The following MACROD2 variants were observed in gnomAD, a reference collection of about 807,000 sequenced individuals.
MACROD2 encodes the protein ADP-ribose glycohydrolase MACROD2.
MACROD2 carries 36 observed loss-of-function variants against 70.4 expected under a neutral mutation model. The observed-to-expected ratio is 0.51, with a 90% CI of 0.39 to 0.68. MACROD2 has a LOEUF of 0.68. MACROD2 is among the 30% of genes least tolerant of loss of function. The pLI is 0.00. For synonymous variants in MACROD2, 172 were observed against 178.8 expected (o/e 0.96, Z 0.30); for missense variants, 496 against 538.4 (o/e 0.92, Z 0.78).
At chr20:14,237,428 A>T (rs1323574841) in intron 3 of MACROD2, among the ~76,000 whole-genome samples, 1 of 151,688 alleles carries the variant, frequency 6.6e-6, no homozygotes, top group African/African-American at 2.4e-5. Flanking sequence ...CTTATACCTC[A>T]AATCAATTTC....
chr20:15,654,175 T>C (rs1187902972), intron 8 of MACROD2, among the ~76,000 whole-genome samples: 31 of 152,162 alleles, frequency 2.0e-4, no homozygotes, highest in African/African-American at 2.4e-5. Flanking sequence ...GCACATACCA[T>C]GCAGAAGTTC....
chr20:14,578,314 AGGTAC>A (rs1049778389), intron 4 of MACROD2, among the ~76,000 whole-genome samples: 4 of 152,228 alleles, frequency 2.6e-5, no homozygotes, highest in Admixed American at 2.6e-4. Flanking sequence ...TACAGTAGTC[AGGTAC>A]AAGGAAGTTT....
At chr20:14,008,121 G>A (rs191454521) in intron 2 of MACROD2, among the ~76,000 whole-genome samples, 1 of 152,244 alleles carries the variant, frequency 6.6e-6, no homozygotes, top group Non-Finnish European at 1.5e-5. Flanking sequence ...GTTCTGGGCA[G>A]GGTAATCAGG....
intron 3 of MACROD2, among the ~76,000 whole-genome samples, chr20:14,419,680 T>C (rs1278905135): frequency 6.6e-6 from 1 of 152,168 alleles, no homozygotes; most frequent in African/African-American, 2.4e-5. Context: ...TTTGGAAAAA[T>C]AGAACAATTT....
intron 8 of MACROD2, among the ~76,000 whole-genome samples, chr20:15,811,771 T>C (rs1029312564): frequency 4.6e-5 from 7 of 152,188 alleles, no homozygotes; most frequent in African/African-American, 1.7e-4. Context: ...AGATGGTATC[T>C]AATCCAGATT....
intron 5 of MACROD2, among the ~76,000 whole-genome samples, chr20:15,194,801 T>C (rs1236919719): frequency 6.6e-6 from 1 of 152,216 alleles, no homozygotes; most frequent in Admixed American, 6.5e-5. Context: ...ACTTTTCTAG[T>C]CCAGGATCCA....
At chr20:16,017,690 A>G (rs2066947586) in intron 15 of MACROD2, among the ~76,000 whole-genome samples, 1 of 152,216 alleles carries the variant, frequency 6.6e-6, no homozygotes, top group African/African-American at 2.4e-5. Flanking sequence ...CTGTTTCTGC[A>G]TCTTCACATA....
intron 3 of MACROD2, among the ~76,000 whole-genome samples, chr20:14,147,308 T>C (rs1349992493): frequency 6.6e-6 from 1 of 152,236 alleles, no homozygotes; most frequent in Admixed American, 6.5e-5. Flanking sequence ...CCATGTTCTT[T>C]CCTTGCCATT....
intron 3 of MACROD2, among the ~76,000 whole-genome samples, chr20:14,430,558 A>G (rs1370001079): frequency 6.8e-6 from 1 of 146,354 alleles, no homozygotes; most frequent in Non-Finnish European, 1.6e-5. Context: ...TGTTCAAAAC[A>G]GAAAACACAG....
intron 5 of MACROD2, among the ~76,000 whole-genome samples, chr20:14,797,843 T>A (rs900579318): frequency 3.3e-5 from 5 of 151,888 alleles, no homozygotes; most frequent in African/African-American, 1.2e-4. Flanking sequence ...AGCGTAAGAG[T>A]GTTCACTAAG....
intron 8 of MACROD2, among the ~76,000 whole-genome samples, chr20:15,635,585 G>A (rs74179777): frequency 6.6e-6 from 1 of 152,070 alleles, no homozygotes; most frequent in African/African-American, 2.4e-5. Flanking sequence ...GAGGCTACTA[G>A]AGGGTGGGTG....
At chr20:15,935,420 C>G (rs78755841) in intron 11 of MACROD2, among the ~76,000 whole-genome samples, 1 of 152,310 alleles carries the variant, frequency 6.6e-6, no homozygotes, top group East Asian at 1.9e-4. Flanking sequence ...ATTTCTTATC[C>G]TCCCTAATCA....
intron 5 of MACROD2, among the ~76,000 whole-genome samples, chr20:14,713,605 C>G (rs1342563586): frequency 6.6e-6 from 1 of 152,146 alleles, no homozygotes; most frequent in Admixed American, 6.5e-5. Flanking sequence ...TATCTCAGAG[C>G]AAATTTTAAA....
chr20:15,535,510 G>A (rs1325414941), intron 8 of MACROD2, among the ~76,000 whole-genome samples: 3 of 152,156 alleles, frequency 2.0e-5, no homozygotes, highest in South Asian at 2.1e-4. Context: ...GGGAACTACC[G>A]TTTTACACTA....
intron 3 of MACROD2, among the ~76,000 whole-genome samples, chr20:14,272,796 G>T (rs1186112623): frequency 2.0e-5 from 3 of 152,296 alleles, no homozygotes; most frequent in Admixed American, 2.0e-4. Context: ...AAGGATGGAG[G>T]AAGATCTACC....
chr20:15,051,197 C>T (rs1451672790), intron 5 of MACROD2, among the ~76,000 whole-genome samples: 1 of 152,112 alleles, frequency 6.6e-6, no homozygotes, highest in African/African-American at 2.4e-5. Context: ...AAATGGCTGT[C>T]TGCATTAGTT....
intron 4 of MACROD2, among the ~76,000 whole-genome samples, chr20:14,671,586 G>A (rs2070795149): frequency 6.6e-6 from 1 of 152,122 alleles, no homozygotes; most frequent in Non-Finnish European, 1.5e-5. Context: ...TTGAGATGAA[G>A]AATGCTAGTG....
At chr20:15,704,223 A>T (rs769824022) in intron 8 of MACROD2, among the ~76,000 whole-genome samples, 9 of 152,092 alleles carry the variant, frequency 5.9e-5, no homozygotes, top group Admixed American at 4.6e-4. Flanking sequence ...CTTCCCCGTG[A>T]CACCTTCTCT....
chr20:14,580,624 C>G (rs1269032323), intron 4 of MACROD2, among the ~76,000 whole-genome samples: 1 of 152,170 alleles, frequency 6.6e-6, no homozygotes, highest in Non-Finnish European at 1.5e-5. Flanking sequence ...TGGCAAAGCC[C>G]TGGCTTCTCT....
Sources: gnomAD v4.1 joint callset for allele counts (sites outside exome capture counted in the v4.1 genomes callset) on GRCh38, gnomAD v4.1.1 for gene constraint, MANE v1.5 for transcripts, NCBI Gene and HGNC (gene_info 2026-07-23, HGNC 2026-07-21) for gene names.